Variants in DNAJC6 observed in about 807,000 individuals in gnomAD.
DNAJC6 encodes the protein DnaJ heat shock protein family (Hsp40) member C6, also known as auxilin.
A neutral mutation model predicts 110.0 loss-of-function variants in DNAJC6; 34 were observed. That is an observed-to-expected ratio of 0.31 (90% CI 0.24 to 0.41). DNAJC6 has a LOEUF of 0.41. DNAJC6 is among the 10% of genes least tolerant of loss of function. The probability of loss-of-function intolerance (pLI) is 1.00; values close to 1 mark genes in which losing one functional copy is unlikely to be tolerated. For missense variants in DNAJC6, 1,031 were observed against 1,207.8 expected (o/e 0.85, Z 2.17); for synonymous variants, 406 against 437.2 (o/e 0.93, Z 0.89).
At chr1:65,323,285 T>C (rs752424040) in intron 1 of DNAJC6, among the ~76,000 whole-genome samples, 2 of 152,206 alleles carry the variant, frequency 1.3e-5, no homozygotes, top group Non-Finnish European at 2.9e-5. Context: ...AGGAGGGGCC[T>C]GGTGGGAGAT....
intron 1 of DNAJC6, among the ~76,000 whole-genome samples, chr1:65,334,468 A>G (rs552576527): frequency 5.3e-4 from 80 of 152,360 alleles, no homozygotes; most frequent in Middle Eastern, 3.4e-3. Flanking sequence ...GACTGGGGCA[A>G]AGATGGGTGA....
intron 4 of DNAJC6, among the ~76,000 whole-genome samples, chr1:65,367,462 T>C (rs987053602): frequency 1.3e-5 from 2 of 152,154 alleles, no homozygotes; most frequent in African/African-American, 2.4e-5. Context: ...CAAACAAAAA[T>C]GTGGATAGAT....
In DNAJC6 at chr1:65,362,382, T is replaced by C. The variant is rs1279070850; in HGVS notation, c.194-2253T>C. ...CCTATTACGTGAATATTTTTATTAT[T>C]CTTTATTTTGAAAATCTTATATATT... On this transcript the variant is annotated intron_variant, in intron 1 of 18. Coordinates refer to ENST00000371069, the MANE Select transcript of DNAJC6 (RefSeq NM_001256864.2). Among the ~76,000 whole-genome samples, 31 of 152,228 alleles carry C rather than the reference T, an allele frequency of 2.0e-4. 1 individual carries two copies. Among genetic ancestry groups the C allele is most frequent in the Admixed American group, 2.0e-3 (31 of 15,284 alleles).
chr1:65,384,434 CT>C, intron 6 of DNAJC6, 108 bp downstream of exon 6: 2 of 1,097,758 alleles, frequency 1.8e-6, no homozygotes, highest in African/African-American at 1.6e-5. Flanking sequence ...TACTTTATCT[CT>C]GTATTAGTCC....
intron 11 of DNAJC6, among the ~76,000 whole-genome samples, chr1:65,391,215 G>A (rs1411590245): frequency 2.0e-5 from 3 of 152,138 alleles, no homozygotes; most frequent in Non-Finnish European, 4.4e-5. Context: ...AAGACTATAA[G>A]TATCTTCATA....
intron 1 of DNAJC6, among the ~76,000 whole-genome samples, chr1:65,346,903 A>G (rs890893814): frequency 1.3e-5 from 2 of 150,008 alleles, no homozygotes; most frequent in Non-Finnish European, 3.0e-5. Context: ...CTTCAACACC[A>G]CCCCCGCTCC....
At chr1:65,307,018 C>CTATA (rs71056097), upstream of DNAJC6, among the ~76,000 whole-genome samples, 310 of 70,580 alleles carry the variant, frequency 4.4e-3, 2 homozygotes, top group Middle Eastern at 0.023. Flanking sequence ...CTCTCTCTCT[C>CTATA]TATATATATA....
Position 65,296,277 on chromosome 1 carries a change from G to A in DNAJC6, c.-131+31345G>A, listed in dbSNP as rs377543128. Among the ~76,000 whole-genome samples, 44 of 152,290 alleles carry A rather than the reference G, an allele frequency of 2.9e-4. No individual in the cohort carries two copies. The South Asian group carries it at 8.7e-3, about 30-fold the overall frequency. On this transcript the variant is annotated intron_variant, in intron 1 of 19. Transcript: ENST00000263441. ...TACTCGGATCAAAAATAAAGTCAAAGTTTTCAACTAAAATAATTGCAATAG... is the reference window on the plus strand; with the variant it reads ...TACTCGGATCAAAAATAAAGTCAAAATTTTCAACTAAAATAATTGCAATAG...
chr1:65,275,884 A>C (rs1653651137), intron 1 of DNAJC6, among the ~76,000 whole-genome samples: 1 of 145,512 alleles, frequency 6.9e-6, no homozygotes, highest in Non-Finnish European at 1.5e-5. Flanking sequence ...TCAGTTCTAG[A>C]GTTACTATTA....
At chr1:65,316,836 A>G (rs1645153174) in intron 1 of DNAJC6, among the ~76,000 whole-genome samples, 1 of 152,208 alleles carries the variant, frequency 6.6e-6, no homozygotes, top group South Asian at 2.1e-4. Context: ...TTTCTAATAT[A>G]GACATGTCAA....
chr1:65,311,215 GTTTTTTTT>G (rs71056098), intron 1 of DNAJC6, among the ~76,000 whole-genome samples: 40 of 68,890 alleles, frequency 5.8e-4, no homozygotes, highest in Middle Eastern at 0.012. Context: ...TTTCAGGACT[GTTTTTTTT>G]TTTTTTTTTT....
At chr1:65,364,610 G>GTTTTTTTTTT in intron 1 of DNAJC6, 25 bp from the exon 2 acceptor site, 1 of 1,441,978 alleles carries the variant, frequency 6.9e-7, no homozygotes, top group Admixed American at 2.3e-5. Context: ...ATTTTTGTTT[G>GTTTTTTTTTT]TTTGTTTTTT....
At chr1:65,384,689 G>A (rs905069944) in intron 6 of DNAJC6, among the ~76,000 whole-genome samples, 10 of 152,000 alleles carry the variant, frequency 6.6e-5, no homozygotes, top group Non-Finnish European at 8.8e-5. Context: ...GGGAAAACCC[G>A]CCCCCATGAT....
At chr1:65,281,435 C>G (rs1382673890) in intron 1 of DNAJC6, among the ~76,000 whole-genome samples, 1 of 152,170 alleles carries the variant, frequency 6.6e-6, no homozygotes, top group Non-Finnish European at 1.5e-5. Flanking sequence ...CCTCCTCCCC[C>G]TAGCCCCTGG....
chr1:65,270,959 G>A (rs1317391423), intron 1 of DNAJC6, among the ~76,000 whole-genome samples: 2 of 152,142 alleles, frequency 1.3e-5, no homozygotes, highest in Non-Finnish European at 2.9e-5. Flanking sequence ...GATTACAGGT[G>A]TGAGCCACTT....
rs761215411 is a variant in DNAJC6 at position 65,405,962 on chromosome 1, C to G, written c.2320C>G (p.Pro774Ala). ...LSSPQKASPQ[P>A]MGGGWQQGGA... is the part of the protein sequence containing the mutation. ...CTCGCCACAGAAGGCGTCTCCCCAG[C>G]CTATGGGTGGCGGGTGGCAGCAGGG... Residue 774 changes from proline (P) to alanine (A), a missense_variant, in exon 16 of 19, where the codon CCT (proline) becomes GCT (alanine). Pro to Ala is a conservative substitution (Grantham distance 27, BLOSUM62 -1). Coordinates refer to ENST00000371069, the MANE Select transcript of DNAJC6 (RefSeq NM_001256864.2). 1 of 1,614,204 alleles carries G rather than the reference C, an allele frequency of 6.2e-7. No homozygotes were observed. Among genetic ancestry groups the G allele is most frequent in the South Asian group, 1.1e-5 (1 of 91,080 alleles).
At chr1:65,363,038 A>AGG (rs1165021532) in intron 1 of DNAJC6, among the ~76,000 whole-genome samples, 1 of 152,170 alleles carries the variant, frequency 6.6e-6, no homozygotes, top group Non-Finnish European at 1.5e-5. Context: ...CAGAGGGTGA[A>AGG]GGGGAAGCAA....
At chr1:65,313,951 A>G (rs1645125828) in intron 1 of DNAJC6, among the ~76,000 whole-genome samples, 1 of 152,254 alleles carries the variant, frequency 6.6e-6, no homozygotes, top group African/African-American at 2.4e-5. Flanking sequence ...CAGGGAAAGT[A>G]GAACCACAAA....
At chr1:65,272,962 C>G (rs1653554894) in intron 1 of DNAJC6, among the ~76,000 whole-genome samples, 1 of 152,038 alleles carries the variant, frequency 6.6e-6, no homozygotes, top group Non-Finnish European at 1.5e-5. Flanking sequence ...TCTTTATATT[C>G]TCTTATGATC....
Sources: allele counts gnomAD v4.1 joint callset (sites outside exome capture counted in the v4.1 genomes callset), GRCh38; gene constraint gnomAD v4.1.1; transcripts MANE v1.5; gene names NCBI Gene and HGNC (gene_info 2026-07-23, HGNC 2026-07-21).